ATP8A2: variants seen among roughly 807,000 people sequenced by gnomAD.
ATP8A2 encodes the protein ATPase phospholipid transporting 8A2.
ATP8A2 carries 100 observed loss-of-function variants against 165.6 expected under a neutral mutation model. The observed-to-expected ratio is 0.60, with a 90% CI of 0.51 to 0.71. The LOEUF is 0.71. Among genes scored for constraint, ATP8A2 ranks in the 30% least tolerant of loss-of-function variants. The pLI is 0.00. For missense variants in ATP8A2, 1,227 were observed against 1,479.5 expected (o/e 0.83, Z 2.80); for synonymous variants, 543 against 548.8 (o/e 0.99, Z 0.15).
intron 25 of ATP8A2, among the ~76,000 whole-genome samples, chr13:25,738,970 T>C (rs1030311127): frequency 6.6e-6 from 1 of 152,260 alleles, no homozygotes; most frequent in Non-Finnish European, 1.5e-5. Context: ...GACTTATCCT[T>C]GTTACGTAAG....
At chr13:26,008,170 A>G (rs1255252179) in intron 35 of ATP8A2, among the ~76,000 whole-genome samples, 1 of 152,182 alleles carries the variant, frequency 6.6e-6, no homozygotes, top group Non-Finnish European at 1.5e-5. Context: ...ACCACAATGA[A>G]GTAGAGAGTC....
intron 25 of ATP8A2, among the ~76,000 whole-genome samples, chr13:25,701,532 C>A (rs9551220): frequency 1.3e-5 from 2 of 151,878 alleles, no homozygotes; most frequent in South Asian, 4.2e-4. Flanking sequence ...CCCCCTGACT[C>A]GCTGGTGGAC....
At chr13:25,402,115 G>C (rs1003660799) in intron 1 of ATP8A2, among the ~76,000 whole-genome samples, 6 of 152,062 alleles carry the variant, frequency 3.9e-5, no homozygotes, top group African/African-American at 1.4e-4. Context: ...GTGACTAAAT[G>C]GGCTGGCTGG....
chr13:25,562,255 C>T (rs886324119), intron 15 of ATP8A2, among the ~76,000 whole-genome samples: 1 of 152,208 alleles, frequency 6.6e-6, no homozygotes, highest in South Asian at 2.1e-4. Context: ...ACAAGGGTTT[C>T]ACTTTCTCCA....
chr13:25,729,558 G>A (rs1471993465), intron 25 of ATP8A2, among the ~76,000 whole-genome samples: 1 of 152,212 alleles, frequency 6.6e-6, no homozygotes, highest in Non-Finnish European at 1.5e-5. Flanking sequence ...CAACCACGAT[G>A]TCATTTATAT....
At chr13:26,017,547 G>A (rs1011973711) in intron 36 of ATP8A2, among the ~76,000 whole-genome samples, 1 of 152,248 alleles carries the variant, frequency 6.6e-6, no homozygotes, top group African/African-American at 2.4e-5. Flanking sequence ...GGCTGGGGCA[G>A]CTCCTCCAAA....
chr13:25,711,138 G>A (rs2137978612), intron 25 of ATP8A2, among the ~76,000 whole-genome samples: 1 of 152,102 alleles, frequency 6.6e-6, no homozygotes. Flanking sequence ...GTAGTAGCTG[G>A]GATTACAGGG....
intron 2 of ATP8A2, among the ~76,000 whole-genome samples, chr13:25,501,512 A>T (rs920139905): frequency 3.3e-5 from 5 of 152,220 alleles, no homozygotes; most frequent in African/African-American, 1.2e-4. Context: ...TTTGGTTTGC[A>T]TGTGAAAGAC....
At chr13:25,580,036 G>T (rs1426884146) in intron 22 of ATP8A2, 89 bp downstream of exon 22, 2 of 1,430,686 alleles carry the variant, frequency 1.4e-6, no homozygotes, top group South Asian at 1.3e-5. Context: ...CTTTTACTAT[G>T]TAGGGATGTT....
intron 27 of ATP8A2, among the ~76,000 whole-genome samples, chr13:25,782,495 G>T (rs760873081): frequency 7.9e-5 from 12 of 152,174 alleles, no homozygotes; most frequent in Non-Finnish European, 1.5e-4. Flanking sequence ...TCTAATACAG[G>T]TTGGGGAAGA....
At chr13:25,653,137 T>C (rs1156343739) in intron 24 of ATP8A2, among the ~76,000 whole-genome samples, 1 of 152,296 alleles carries the variant, frequency 6.6e-6, no homozygotes, top group East Asian at 1.9e-4. Flanking sequence ...TTTTTGTCTA[T>C]GGTGTAAGGA....
intron 24 of ATP8A2, among the ~76,000 whole-genome samples, chr13:25,636,248 A>T (rs1405131550): frequency 6.6e-6 from 1 of 152,014 alleles, no homozygotes; most frequent in Non-Finnish European, 1.5e-5. Context: ...TTTTTTTCTA[A>T]CCCCCTGCTG....
chr13:25,733,922 G>A (rs1021650395), intron 25 of ATP8A2, among the ~76,000 whole-genome samples: 1 of 152,102 alleles, frequency 6.6e-6, no homozygotes, highest in Non-Finnish European at 1.5e-5. Flanking sequence ...AGTACCTTAT[G>A]GCACAGCTTA....
At chr13:25,513,816 G>C (rs1456819545) in intron 2 of ATP8A2, among the ~76,000 whole-genome samples, 1 of 152,222 alleles carries the variant, frequency 6.6e-6, no homozygotes, top group Non-Finnish European at 1.5e-5. Context: ...AACCAGTCAG[G>C]CGTGGCGGCG....
chr13:25,541,035 A>T (rs2038460048), intron 8 of ATP8A2, among the ~76,000 whole-genome samples: 1 of 151,490 alleles, frequency 6.6e-6, no homozygotes, highest in African/African-American at 2.4e-5. Flanking sequence ...CTTAATTTTT[A>T]TATTTTTTTA....
intron 33 of ATP8A2, among the ~76,000 whole-genome samples, chr13:25,884,758 G>C (rs981842859): frequency 6.6e-6 from 1 of 151,356 alleles, no homozygotes; most frequent in Admixed American, 6.6e-5. Context: ...AAACATGAGA[G>C]CACCTGGGTG....
At chr13:25,881,595 A>G (rs61947363) in intron 33 of ATP8A2, among the ~76,000 whole-genome samples, 1 of 149,382 alleles carries the variant, frequency 6.7e-6, no homozygotes, top group Non-Finnish European at 1.5e-5. Context: ...GAGAGAGAGA[A>G]AGAGAGAGAG....
At chr13:25,561,302 T>G (rs2039146609) in intron 15 of ATP8A2, among the ~76,000 whole-genome samples, 1 of 152,186 alleles carries the variant, frequency 6.6e-6, no homozygotes, top group Admixed American at 6.5e-5. Flanking sequence ...CATCTCTTGA[T>G]AGTCAGATAT....
intron 2 of ATP8A2, among the ~76,000 whole-genome samples, chr13:25,504,441 TTA>T (rs1491378435): frequency 7.4e-4 from 102 of 137,096 alleles, no homozygotes; most frequent in African/African-American, 1.4e-3. Flanking sequence ...TTTTTTTTTT[TTA>T]AAAAGTATAC....
Sources: allele counts gnomAD v4.1 joint callset (sites outside exome capture counted in the v4.1 genomes callset), GRCh38; gene constraint gnomAD v4.1.1; transcripts MANE v1.5; gene names NCBI Gene and HGNC (gene_info 2026-07-23, HGNC 2026-07-21).